AHCTF1: variants seen among roughly 807,000 people sequenced by gnomAD.
AHCTF1 encodes AT-hook containing transcription factor 1.
A neutral mutation model predicts 248.4 loss-of-function variants in AHCTF1; 24 were observed. The observed-to-expected ratio is 0.10, with a 90% confidence interval of 0.07 to 0.14. AHCTF1 has a LOEUF of 0.14. Among genes scored for constraint, AHCTF1 ranks in the 10% least tolerant of loss-of-function variants. AHCTF1 has a pLI of 1.00. For synonymous variants in AHCTF1, 786 were observed against 929.8 expected, an observed-to-expected ratio of 0.85 and a Z score of 2.81; for missense variants, 2,206 against 2,636.2, an observed-to-expected ratio of 0.84 and a Z score of 3.57.
At chr1:246,889,277 T>C (rs922447364) in intron 17 of AHCTF1, among the ~76,000 whole-genome samples, 2 of 144,464 alleles carry the variant, frequency 1.4e-5, no homozygotes. Flanking sequence ...TTTCTCTTCT[T>C]TTTTCCCCTG....
intron 31 of AHCTF1, among the ~76,000 whole-genome samples, 169 bp downstream of exon 31, chr1:246,855,561 T>G (rs1384498214): frequency 6.6e-6 from 1 of 152,038 alleles, no homozygotes; most frequent in Admixed American, 6.6e-5. Flanking sequence ...TCTGACAGCT[T>G]ATATATCTCC....
At chr1:246,905,914 G>C (rs1665354781) in intron 5 of AHCTF1, among the ~76,000 whole-genome samples, 1 of 152,168 alleles carries the variant, frequency 6.6e-6, no homozygotes, top group African/African-American at 2.4e-5. Flanking sequence ...TTATGTGTGC[G>C]TGTAACTGGT....
rs749111022 is a variant in AHCTF1 at position 246,845,514 on chromosome 1, A to C, written c.6392-1586T>G. On this transcript the variant is annotated intron_variant, in intron 33 of 35. Transcript: ENST00000648844. ...CAGATGAACAAAAGTATTTCTACGA[A>C]AATTATACATTCTATAACTCTCTTC... Among the ~76,000 whole-genome samples, 66 of 152,336 alleles carry C rather than the reference A, an allele frequency of 4.3e-4. 1 individual carries two copies. The Middle Eastern group carries it at 0.017, about 39-fold the overall frequency.
chr1:246,916,019 C>A, intron 3 of AHCTF1, 123 bp downstream of exon 3: 1 of 1,181,604 alleles, frequency 8.5e-7, no homozygotes, highest in Non-Finnish European at 1.2e-6. Context: ...AACACATTTA[C>A]ATAAAAGTAT....
intron 24 of AHCTF1, among the ~76,000 whole-genome samples, chr1:246,875,385 G>C (rs995292582): frequency 6.6e-6 from 1 of 152,162 alleles, no homozygotes; most frequent in African/African-American, 2.4e-5. Flanking sequence ...TAAAAAGTCC[G>C]ATTGACCAAA....
chr1:246,857,188 T>G lies in AHCTF1; in HGVS notation c.4256+503A>C, dbSNP rs115162821. Among the ~76,000 whole-genome samples, 514 of 152,312 alleles carry G rather than the reference T, an allele frequency of 3.4e-3. 3 individuals carry two copies. Among genetic ancestry groups the G allele is most frequent in the African/African-American group, 0.012 (491 of 41,550 alleles). On this transcript the variant is annotated intron_variant, in intron 30 of 35. Transcript: ENST00000648844. ...GAACATAAACTGACACTCTCACCAA[T>G]CTGCTTGACCATACTTTGAATACGT...
At position 246,860,941 on chromosome 1, in the gene AHCTF1, A is replaced by G. The variant is rs1364592382; in HGVS notation, c.4090T>C (p.Phe1364Leu). The G allele has an allele frequency of 1.2e-6, 2 of 1,612,330 alleles. No individual in the cohort carries two copies. Among genetic ancestry groups the G allele is most frequent in the Non-Finnish European group, 1.7e-6 (2 of 1,178,552 alleles). Residue 1364 changes from phenylalanine (F) to leucine (L), a missense_variant, in exon 29 of 36, where the codon TTT becomes CTT. By Grantham distance (22) the Phe-to-Leu change is conservative (BLOSUM62 0). Transcript: ENST00000648844. ...QTEKDGDKDV[F>L]ASEVTPSDLQ... Reference sequence around the variant, plus strand: ...TCTGAAGGAGTTACTTCTGATGCAAATACATCTTTATCTCCATCCTTTTCA... The same window carrying G: ...TCTGAAGGAGTTACTTCTGATGCAAGTACATCTTTATCTCCATCCTTTTCA...
At chr1:246,888,597 G>T in intron 17 of AHCTF1, 80 bp from the exon 18 acceptor site, 2 of 1,487,750 alleles carry the variant, frequency 1.3e-6, no homozygotes, top group Non-Finnish European at 1.8e-6. Flanking sequence ...AATATTAAAA[G>T]TAATAATCCC....
chr1:246,860,809 G>T, intron 29 of AHCTF1, 90 bp downstream of exon 29: 1 of 1,503,654 alleles, frequency 6.7e-7, no homozygotes, highest in Non-Finnish European at 9.0e-7. Flanking sequence ...ACCTGGCTAG[G>T]ATGCTTTTCT....
rs1233555155 is a variant in AHCTF1, at chr1:246,890,054, A to C, written c.2056T>G (p.Ser686Ala). 1 of 1,608,750 alleles carries C rather than the reference A, an allele frequency of 6.2e-7. No individual in the cohort carries two copies. Among genetic ancestry groups the C allele is most frequent in the Admixed American group, 1.7e-5 (1 of 59,630 alleles). The change falls in exon 17 of 36, where the codon TCT becomes GCT. Residue 686 changes from serine to alanine, a missense_variant. Transcript: ENST00000648844. ...TAGCATAACCTTGACAACTGCACAG[A>C]ATCATCTAGATTTTTAAGAGTTGGA... Reference protein sequence around the residue: ...SGLLPEGIDDSVQLSRLCYNY... With the variant: ...SGLLPEGIDDAVQLSRLCYNY...
chr1:246,928,179 T>C (rs1272242565), intron 1 of AHCTF1, among the ~76,000 whole-genome samples: 2 of 151,604 alleles, frequency 1.3e-5, no homozygotes, highest in Admixed American at 1.3e-4. Context: ...GGTGGGCACC[T>C]GTAGTCCCAG....
At position 246,847,289 on chromosome 1, in the gene AHCTF1, C is replaced by CA. The variant is rs573947202; in HGVS notation, c.6391+2325dup. Among the ~76,000 whole-genome samples the CA allele has an allele frequency of 9.0e-3, 891 of 98,702 alleles. 12 individuals are homozygous for CA. The highest frequency in any genetic ancestry group is 0.044 in the African/African-American group (751 of 17,134). The allele number at this position is 98,702 out of a possible 152,430, so 64.8% of individuals were successfully genotyped here. A position where few individuals can be genotyped will look rare whatever the true frequency, so the allele number is the denominator to read the frequency against. On this transcript the variant is annotated intron_variant, in intron 33 of 35. Transcript: ENST00000648844. ...GGGTAACAACAGCCAAACTCCATCT[C>CA]AAAAAAAAAAAACAAACAAAAAAAA...
chr1:246,849,555 C>G, intron 33 of AHCTF1, 60 bp downstream of exon 33: 1 of 1,520,852 alleles, frequency 6.6e-7, no homozygotes, highest in Non-Finnish European at 8.8e-7. Context: ...GACAAATAAC[C>G]AAATTTTAAG....
intron 30 of AHCTF1, among the ~76,000 whole-genome samples, chr1:246,856,899 A>G (rs1661146823): frequency 6.6e-6 from 1 of 152,212 alleles, no homozygotes; most frequent in African/African-American, 2.4e-5. Context: ...TAATGTTGTA[A>G]GTTATATTTT....
At chr1:246,909,615 G>C (rs1351605946) in intron 4 of AHCTF1, among the ~76,000 whole-genome samples, 1 of 152,158 alleles carries the variant, frequency 6.6e-6, no homozygotes, top group Non-Finnish European at 1.5e-5. Flanking sequence ...CAAAGCACAA[G>C]AGTGGTCATG....
At chr1:246,891,650 C>T in intron 15 of AHCTF1, 129 bp downstream of exon 15, 2 of 961,452 alleles carry the variant, frequency 2.1e-6, no homozygotes, top group Non-Finnish European at 3.0e-6. Context: ...CAAACAAAAA[C>T]CCTAGCACTG....
intron 11 of AHCTF1, 102 bp from the exon 12 acceptor site, chr1:246,898,438 A>T (rs41267537): frequency 0.041 from 50,723 of 1,244,250 alleles, 1,250 homozygotes; most frequent in Non-Finnish European, 0.048. Context: ...ATTTAAAGAT[A>T]GCAAGTGGAA....
chr1:246,901,245 G>A (rs964448249), intron 8 of AHCTF1, among the ~76,000 whole-genome samples: 17 of 152,182 alleles, frequency 1.1e-4, no homozygotes, highest in African/African-American at 4.1e-4. Context: ...GGAGGCTGAG[G>A]TGGGAGGATC....
chr1:246,909,166 C>T (rs1229406683), intron 4 of AHCTF1, among the ~76,000 whole-genome samples: 2 of 148,086 alleles, frequency 1.4e-5, no homozygotes, highest in East Asian at 4.0e-4. Flanking sequence ...AATCCCAGCA[C>T]TTTGGGAGGC....
Sources: gnomAD v4.1 joint callset for allele counts (sites outside exome capture counted in the v4.1 genomes callset) on GRCh38, gnomAD v4.1.1 for gene constraint, MANE v1.5 for transcripts, NCBI Gene and HGNC (gene_info 2026-07-23, HGNC 2026-07-21) for gene names.